CCDC178: variants seen among roughly 807,000 people sequenced by gnomAD.
CCDC178 encodes the protein coiled-coil domain containing 178, also known as coiled-coil domain-containing protein 178.
Under a neutral mutation model 117.4 loss-of-function variants are expected in CCDC178, and 126 were observed. That is an observed-to-expected ratio of 1.07 (90% CI 0.93 to 1.24). The LOEUF (loss-of-function observed/expected upper bound fraction) is 1.24. Ranked by LOEUF, CCDC178 falls within the 50% of genes most tolerant of loss-of-function variation. The pLI, the probability that CCDC178 is intolerant of heterozygous loss-of-function variation, is 0.00. For missense variants in CCDC178, 1,030 were observed against 986.9 expected, an observed-to-expected ratio of 1.04 and a Z score of -0.59; for synonymous variants, 283 against 313.4, an observed-to-expected ratio of 0.90 and a Z score of 1.02.
chr18:33,224,372 C>T (rs2059275430), intron 17 of CCDC178, among the ~76,000 whole-genome samples: 1 of 152,132 alleles, frequency 6.6e-6, no homozygotes, highest in African/African-American at 2.4e-5. Flanking sequence ...ATTTTTCATC[C>T]TAGCTGTCTA....
intron 9 of CCDC178, among the ~76,000 whole-genome samples, chr18:33,345,947 C>T (rs369153707): frequency 6.6e-6 from 1 of 152,104 alleles, no homozygotes; most frequent in East Asian, 1.9e-4. Context: ...CCCACCTCAG[C>T]CTCCCAAGTA....
intron 14 of CCDC178, among the ~76,000 whole-genome samples, chr18:33,249,674 T>G (rs1310115156): frequency 1.3e-5 from 2 of 152,124 alleles, no homozygotes; most frequent in Non-Finnish European, 2.9e-5. Flanking sequence ...ACTGTAGCCT[T>G]GTAGCATAGT....
At chr18:33,143,584 A>T (rs961258583) in intron 20 of CCDC178, among the ~76,000 whole-genome samples, 1 of 152,146 alleles carries the variant, frequency 6.6e-6, no homozygotes, top group Non-Finnish European at 1.5e-5. Context: ...TGAAGTCTGT[A>T]GTGAAATAAT....
At chr18:33,216,675 G>A (rs2059169734) in intron 18 of CCDC178, among the ~76,000 whole-genome samples, 2 of 151,974 alleles carry the variant, frequency 1.3e-5, no homozygotes, top group Admixed American at 6.6e-5. Flanking sequence ...AAACCTTACT[G>A]TTTGTCTAAG....
intron 12 of CCDC178, among the ~76,000 whole-genome samples, chr18:33,291,757 A>G (rs1425743468): frequency 1.3e-5 from 2 of 152,162 alleles, no homozygotes; most frequent in African/African-American, 4.8e-5. Flanking sequence ...GAGAACAAAC[A>G]GCCAGGGAAT....
intron 8 of CCDC178, among the ~76,000 whole-genome samples, chr18:33,348,209 T>C (rs2062922597): frequency 6.6e-6 from 1 of 151,974 alleles, no homozygotes; most frequent in African/African-American, 2.4e-5. Flanking sequence ...ATATTCTTGC[T>C]TTTAAAAAGT....
intron 21 of CCDC178, among the ~76,000 whole-genome samples, chr18:33,025,387 A>G (rs1009538319): frequency 6.6e-6 from 1 of 152,212 alleles, no homozygotes; most frequent in Non-Finnish European, 1.5e-5. Flanking sequence ...AGAAGGAAGA[A>G]ATGATAAGTT....
intron 12 of CCDC178, among the ~76,000 whole-genome samples, chr18:33,291,484 TAAC>T (rs1179926223): frequency 1.3e-5 from 2 of 152,096 alleles, no homozygotes; most frequent in South Asian, 4.1e-4. Flanking sequence ...TAATAACTAA[TAAC>T]AAACCATAAT....
intron 9 of CCDC178, among the ~76,000 whole-genome samples, chr18:33,336,828 T>C (rs540256076): frequency 3.3e-5 from 5 of 151,736 alleles, no homozygotes; most frequent in African/African-American, 1.2e-4. Flanking sequence ...TTGGGTAATA[T>C]GATGCCTCCA....
At chr18:33,050,736 T>C (rs2056731891) in intron 21 of CCDC178, among the ~76,000 whole-genome samples, 2 of 152,208 alleles carry the variant, frequency 1.3e-5, no homozygotes, top group Admixed American at 6.5e-5. Context: ...CATTGAAGAA[T>C]ATCTTCATTG....
At chr18:33,344,374 G>A (rs1198288298) in intron 9 of CCDC178, among the ~76,000 whole-genome samples, 1 of 151,304 alleles carries the variant, frequency 6.6e-6, no homozygotes, top group Non-Finnish European at 1.5e-5. Context: ...TGCATATAGT[G>A]GCTACTTACG....
chr18:33,382,995 G>A (rs1380027159), intron 5 of CCDC178, among the ~76,000 whole-genome samples: 1 of 147,376 alleles, frequency 6.8e-6, no homozygotes, highest in East Asian at 1.9e-4. Context: ...GGCAGGGGCA[G>A]GGGGAGGGGA....
intron 22 of CCDC178, among the ~76,000 whole-genome samples, chr18:32,962,710 TA>T (rs2054730248): frequency 6.6e-6 from 1 of 152,190 alleles, no homozygotes. Flanking sequence ...TTTACCTTGG[TA>T]TTTTTTTATG....
intron 21 of CCDC178, among the ~76,000 whole-genome samples, chr18:33,024,949 C>T (rs1189357734): frequency 6.6e-6 from 1 of 151,858 alleles, no homozygotes; most frequent in African/African-American, 2.4e-5. Flanking sequence ...CACCGCTCTT[C>T]TCAATTTATT....
chr18:32,951,526 G>A (rs2054482875), intron 22 of CCDC178, among the ~76,000 whole-genome samples: 1 of 152,036 alleles, frequency 6.6e-6, no homozygotes, highest in South Asian at 2.1e-4. Context: ...CAGCATGTGG[G>A]GAGCCACCCC....
At chr18:33,002,176 G>T (rs985655591) in intron 21 of CCDC178, among the ~76,000 whole-genome samples, 7 of 151,952 alleles carry the variant, frequency 4.6e-5, no homozygotes, top group Non-Finnish European at 1.5e-5. Flanking sequence ...TAGGACAAAT[G>T]GACCTAATAG....
chr18:33,242,847 G>A (rs2059504724), intron 15 of CCDC178, among the ~76,000 whole-genome samples: 1 of 151,718 alleles, frequency 6.6e-6, no homozygotes, highest in Admixed American at 6.6e-5. Flanking sequence ...CAGGACAGAG[G>A]TTCCTCAAAA....
chr18:33,330,819 T>C (rs898169646), intron 10 of CCDC178, among the ~76,000 whole-genome samples: 7 of 152,082 alleles, frequency 4.6e-5, no homozygotes, highest in East Asian at 1.9e-4. Flanking sequence ...AGACCTTCAG[T>C]TGATTGCACA....
At chr18:33,044,047 A>G (rs1034601454) in intron 21 of CCDC178, among the ~76,000 whole-genome samples, 5 of 146,026 alleles carry the variant, frequency 3.4e-5, no homozygotes, top group South Asian at 2.2e-4. Context: ...ACACCAGCAT[A>G]TGTGTGTGTG....
Sources: gnomAD v4.1 joint callset for allele counts (sites outside exome capture counted in the v4.1 genomes callset) on GRCh38, gnomAD v4.1.1 for gene constraint, MANE v1.5 for transcripts, NCBI Gene and HGNC (gene_info 2026-07-23, HGNC 2026-07-21) for gene names.